The following FLVCR1 variants were observed in gnomAD, a reference collection of about 807,000 sequenced individuals.
FLVCR1 encodes the protein choline/ethanolamine transporter FLVCR1.
In FLVCR1, 34 loss-of-function variants were observed where a neutral mutation model predicts 53.6. The ratio of observed to expected loss-of-function variants is 0.63; its 90% CI spans 0.48 to 0.84. The LOEUF is 0.84. Ranked by LOEUF, FLVCR1 falls within the 40% of genes least tolerant of loss-of-function variation. The pLI, the probability that FLVCR1 is intolerant of heterozygous loss-of-function variation, is 0.00. For missense variants in FLVCR1, 677 were observed against 696.7 expected (o/e 0.97, Z 0.32); for synonymous variants, 300 against 286.3 (o/e 1.05, Z -0.48).
At chr1:212,877,939 C>T (rs184779843) in intron 3 of FLVCR1, among the ~76,000 whole-genome samples, 44 of 152,002 alleles carry the variant, frequency 2.9e-4, no homozygotes, top group African/African-American at 1.0e-3. Context: ...AAAAGGTATA[C>T]GAAACAGAAA....
intron 6 of FLVCR1, 146 bp from the exon 7 acceptor site, chr1:212,888,343 A>T (rs1665110921): frequency 4.3e-6 from 3 of 700,180 alleles, no homozygotes; most frequent in Non-Finnish European, 7.8e-6. Context: ...TTGGTCAATG[A>T]TAATAGTTCC....
chr1:212,896,890 G>GAATA lies in FLVCR1; in HGVS notation c.*1600_*1601insAATA. On this transcript the variant is annotated 3_prime_UTR_variant, in exon 10 of 10. Transcript: ENST00000366971. ...AAAAAAAAAAAAAAAAAAAAAAAAG[G>GAATA]CCAGGCGCAGTGCTGTGGCTCATGC... The GAATA allele has an allele frequency of 1.1e-5, 1 of 93,602 alleles. No individual in the cohort carries two copies. The highest frequency in any genetic ancestry group is 3.5e-4 in the East Asian group (1 of 2,852). The allele number at this position is 93,602 out of a possible 1,614,324, so 5.8% of individuals were successfully genotyped here. A position where few individuals can be genotyped will look rare whatever the true frequency, so the allele number is the denominator to read the frequency against.
chr1:212,881,824 T>C (rs1049455196), intron 3 of FLVCR1, among the ~76,000 whole-genome samples: 1 of 152,234 alleles, frequency 6.6e-6, no homozygotes, highest in African/African-American at 2.4e-5. Flanking sequence ...AAAGGATTAG[T>C]ATTAGTTAAA....
intron 7 of FLVCR1, 127 bp downstream of exon 7, chr1:212,888,721 G>A: frequency 1.3e-6 from 1 of 772,144 alleles, no homozygotes; most frequent in East Asian, 2.7e-5. Flanking sequence ...GTCTTGCTCA[G>A]CCATCCAAGC....
chr1:212,877,037 C>G (rs1664770877), intron 3 of FLVCR1, among the ~76,000 whole-genome samples: 1 of 151,852 alleles, frequency 6.6e-6, no homozygotes, highest in South Asian at 2.1e-4. Flanking sequence ...TTCTGACTGG[C>G]ATGAAATGGT....
intron 3 of FLVCR1, among the ~76,000 whole-genome samples, chr1:212,874,373 C>T (rs1258088564): frequency 1.3e-5 from 2 of 152,130 alleles, no homozygotes; most frequent in East Asian, 1.9e-4. Context: ...AATACTTTTG[C>T]ATGACATAGT....
In FLVCR1 at chr1:212,878,842, A is replaced by G. The variant is rs1664841843; in HGVS notation, c.1025-4529A>G. Among the ~76,000 whole-genome samples, 5 of 152,092 alleles carry G rather than the reference A, an allele frequency of 3.3e-5. No individual in the cohort carries two copies. In the South Asian group the frequency reaches 1.0e-3, roughly 31 times the overall value. On this transcript the variant is annotated intron_variant, in intron 3 of 9. Coordinates refer to ENST00000366971, the MANE Select transcript of FLVCR1 (RefSeq NM_014053.4). ...CATCTCTACAAAAAATACAAAAATTAGCCAGACACGGTGTTCTGTGCCTGT... is the reference window on the plus strand; with the variant it reads ...CATCTCTACAAAAAATACAAAAATTGGCCAGACACGGTGTTCTGTGCCTGT...
chr1:212,880,121 C>T (rs767060812), intron 3 of FLVCR1, among the ~76,000 whole-genome samples: 3 of 152,220 alleles, frequency 2.0e-5, no homozygotes, highest in East Asian at 1.9e-4. Context: ...CCTCATCTTC[C>T]GCAGGCTAAC....
chr1:212,869,117 A>G (rs893996870), intron 2 of FLVCR1, among the ~76,000 whole-genome samples: 42 of 152,376 alleles, frequency 2.8e-4, no homozygotes, highest in African/African-American at 9.6e-4. Flanking sequence ...CTAAACAGCA[A>G]TAGATTTGCA....
intron 3 of FLVCR1, among the ~76,000 whole-genome samples, chr1:212,875,774 A>G (rs3002282): frequency 0.81 from 122,167 of 150,522 alleles, 49,727 homozygotes; most frequent in East Asian, 1. Flanking sequence ...CCAGGAGGCA[A>G]AGGTTGCAGT....
chr1:212,897,434 A>G lies in FLVCR1; in HGVS notation c.*2144A>G, dbSNP rs1212318680. ...CTTCTTGGGAAGCTGAGGCATGAGA[A>G]TTGCCTGAACCTGGAAGGCGGAGGC... On this transcript the variant is annotated 3_prime_UTR_variant, in exon 10 of 10. Transcript: ENST00000366971. 1 of 152,244 alleles carries G rather than the reference A, an allele frequency of 6.6e-6. No individual in the cohort carries two copies. The highest frequency in any genetic ancestry group is 6.6e-5 in the Admixed American group (1 of 15,256). The allele number at this position is 152,244 out of a possible 1,614,324, so 9.4% of individuals were successfully genotyped here. A position where few individuals can be genotyped will look rare whatever the true frequency, so the allele number is the denominator to read the frequency against.
chr1:212,895,507 A>G lies in FLVCR1; in HGVS notation c.*217A>G. 1 of 561,384 alleles carries G rather than the reference A, an allele frequency of 1.8e-6. No individual in the cohort carries two copies. 34.8% of individuals were successfully genotyped at this position (561,384 alleles called of 1,614,324 possible). A position where few individuals can be genotyped will look rare whatever the true frequency, so the allele number is the denominator to read the frequency against. ...ATTCTTCTGTTTACATCATGTTAAC[A>G]CTACTGTTTATCTAATTAGTATCCG... On this transcript the variant is annotated 3_prime_UTR_variant, in exon 10 of 10. Transcript: ENST00000366971.
chr1:212,876,848 G>T lies in FLVCR1; in HGVS notation c.1024+4030G>T, dbSNP rs145878272. Among the ~76,000 whole-genome samples, 370 of 152,278 alleles carry T rather than the reference G, an allele frequency of 2.4e-3. 1 individual carries two copies. The highest frequency in any genetic ancestry group is 8.2e-3 in the African/African-American group (341 of 41,558). On this transcript the variant is annotated intron_variant, in intron 3 of 9. Transcript: ENST00000366971. ...GAATGATTTATATTCCTTTGGGTGT[G>T]TACCCAGTAATGGGATTGGTGGGTC... is the stretch of plus-strand genomic sequence containing the variant.
intron 3 of FLVCR1, among the ~76,000 whole-genome samples, chr1:212,876,752 G>T (rs183897343): frequency 1.2e-3 from 187 of 152,258 alleles, no homozygotes; most frequent in Middle Eastern, 3.4e-3. Context: ...TGGGCATTTG[G>T]GTTGATTCCG....
At chr1:212,863,607 G>T in intron 1 of FLVCR1, 118 bp from the exon 2 acceptor site, 43 of 833,324 alleles carry the variant, frequency 5.2e-5, no homozygotes, top group Non-Finnish European at 7.6e-5. Context: ...GAACATAATA[G>T]TTTAATTTTC....
intron 3 of FLVCR1, among the ~76,000 whole-genome samples, chr1:212,882,245 G>A (rs1664950526): frequency 1.3e-5 from 2 of 152,112 alleles, no homozygotes; most frequent in South Asian, 4.1e-4. Flanking sequence ...AGTGTCTATT[G>A]ACAGGACGAG....
At chr1:212,877,471 C>A (rs1414689109) in intron 3 of FLVCR1, among the ~76,000 whole-genome samples, 2 of 152,098 alleles carry the variant, frequency 1.3e-5, no homozygotes, top group African/African-American at 2.4e-5. Flanking sequence ...CCTCAGCCTC[C>A]CAAAGTGCTG....
chr1:212,875,266 G>A (rs773373891), intron 3 of FLVCR1, among the ~76,000 whole-genome samples: 7 of 152,158 alleles, frequency 4.6e-5, no homozygotes, highest in Non-Finnish European at 8.8e-5. Flanking sequence ...AATATAGTCG[G>A]TATTTATCAA....
chr1:212,862,745 T>C (rs1664282967), intron 1 of FLVCR1, among the ~76,000 whole-genome samples: 1 of 152,240 alleles, frequency 6.6e-6, no homozygotes. Flanking sequence ...GTTAAACTTA[T>C]TAAGGAACTG....
Sources: gnomAD v4.1 joint callset for allele counts (sites outside exome capture counted in the v4.1 genomes callset) on GRCh38, gnomAD v4.1.1 for gene constraint, MANE v1.5 for transcripts, NCBI Gene and HGNC (gene_info 2026-07-23, HGNC 2026-07-21) for gene names.